Variants in RERE observed in about 807,000 individuals in gnomAD.
RERE encodes the protein arginine-glutamic acid dipeptide repeats protein.
Under a neutral mutation model 146.1 loss-of-function variants are expected in RERE, and 40 were observed. The ratio of observed to expected loss-of-function variants is 0.27; its 90% confidence interval spans 0.21 to 0.36. The LOEUF is 0.36. Ranked by LOEUF, RERE falls within the 10% of genes least tolerant of loss-of-function variation. The probability of loss-of-function intolerance (pLI) is 1.00; values close to 1 mark genes in which losing one functional copy is unlikely to be tolerated. For missense variants in RERE, 1,933 were observed against 2,138.7 expected (o/e 0.90, Z 1.90); for synonymous variants, 1,003 against 866.0 (o/e 1.16, Z -2.78).
intron 12 of RERE, among the ~76,000 whole-genome samples, chr1:8,403,825 C>CTTGTTTTTTTTT (rs1643350012): frequency 1.4e-5 from 1 of 70,854 alleles, no homozygotes; most frequent in Non-Finnish European, 2.5e-5. Flanking sequence ...AAAATCTTAG[C>CTTGTTTTTTTTT]TTTTTTTTTT....
chr1:8,596,088 G>A (rs1646552345), intron 4 of RERE, among the ~76,000 whole-genome samples: 1 of 152,238 alleles, frequency 6.6e-6, no homozygotes, highest in African/African-American at 2.4e-5. Flanking sequence ...CGGCTACACA[G>A]TCATGCTCAT....
intron 7 of RERE, 33 bp from the exon 8 acceptor site, chr1:8,508,708 C>T (rs1557665086): frequency 6.4e-7 from 1 of 1,559,562 alleles, no homozygotes; most frequent in South Asian, 1.2e-5. Context: ...TAAGTTAGCG[C>T]AATACAGTTT....
chr1:8,541,462 T>G, intron 6 of RERE, 144 bp from the exon 7 acceptor site: 1 of 573,214 alleles, frequency 1.7e-6, no homozygotes, highest in Non-Finnish European at 3.1e-6. Context: ...ATTTCACCTA[T>G]TCAGCTGTTT....
At chr1:8,541,409 T>TA in intron 6 of RERE, 91 bp from the exon 7 acceptor site, 1 of 710,298 alleles carries the variant, frequency 1.4e-6, no homozygotes, top group South Asian at 1.7e-5. Flanking sequence ...AGCACTGAAC[T>TA]AAGTCCATGT....
intron 1 of RERE, among the ~76,000 whole-genome samples, chr1:8,727,774 G>A (rs1422102855): frequency 6.6e-6 from 1 of 152,144 alleles, no homozygotes; most frequent in Non-Finnish European, 1.5e-5. Context: ...TTACAGGTGT[G>A]AGCCACTGAG....
intron 6 of RERE, among the ~76,000 whole-genome samples, chr1:8,545,982 CTTTTT>C (rs3050828): frequency 0.016 from 1,083 of 69,454 alleles, 21 homozygotes; most frequent in African/African-American, 0.062. Context: ...CATACCCAGT[CTTTTT>C]TTTTTTTTTT....
intron 6 of RERE, 21 bp from the exon 7 acceptor site, chr1:8,541,339 T>C (rs374466416): frequency 6.8e-7 from 1 of 1,469,760 alleles, no homozygotes; most frequent in Middle Eastern, 1.7e-4. Flanking sequence ...GAGAAAAAAA[T>C]AATTAGTAAT....
chr1:8,366,942 C>CAAAAAAAAAAAA (rs1557592178), intron 12 of RERE, among the ~76,000 whole-genome samples: 5 of 135,046 alleles, frequency 3.7e-5, no homozygotes, highest in African/African-American at 1.2e-4. Context: ...AAAAAAAAAA[C>CAAAAAAAAAAAA]CCAAAAAACA....
intron 1 of RERE, among the ~76,000 whole-genome samples, chr1:8,726,046 G>T (rs895956243): frequency 1.3e-5 from 2 of 150,058 alleles, no homozygotes; most frequent in African/African-American, 4.9e-5. Context: ...TAGCTATAAA[G>T]ATATATTCCT....
intron 12 of RERE, among the ~76,000 whole-genome samples, chr1:8,400,222 A>ATATATGTGTGTGTGTGTGTGTG (rs368219880): frequency 5.7e-5 from 8 of 140,156 alleles, no homozygotes; most frequent in South Asian, 2.4e-4. Flanking sequence ...CCTGTGTCAT[A>ATATATGTGTGTGTGTGTGTGTG]TGTGTGTGTG....
In RERE at chr1:8,360,288, C is replaced by A. The variant is rs758262757; in HGVS notation, c.3219G>T (p.Ala1073=). The change falls in exon 18 of 23, where the codon GCG becomes GCT. Residue 1073 remains alanine (A), a synonymous_variant. Transcript: ENST00000400908. The part of the protein sequence containing the change: ...GTSAQPPCSG[A]AASGGSIAGG... ...CCGCTATGCTGCCTCCTGAAGCCGC[C>A]GCACCAGAGCAGGGTGGCTGGGCCG... is the stretch of plus-strand genomic sequence containing the variant. The A allele has an allele frequency of 2.6e-6, 4 of 1,558,098 alleles. No homozygotes were observed. Among genetic ancestry groups the A allele is most frequent in the Middle Eastern group, 1.8e-4 (1 of 5,562 alleles).
At chr1:8,507,876 A>G (rs1264697619) in intron 8 of RERE, among the ~76,000 whole-genome samples, 1 of 150,058 alleles carries the variant, frequency 6.7e-6, no homozygotes, top group Non-Finnish European at 1.5e-5. Context: ...AGAAGCTGGG[A>G]TTATAGGCGC....
intron 1 of RERE, among the ~76,000 whole-genome samples, chr1:8,726,855 G>C (rs1455036850): frequency 6.6e-6 from 1 of 152,046 alleles, no homozygotes; most frequent in Non-Finnish European, 1.5e-5. Flanking sequence ...GCCTAGGCTG[G>C]AGTGCAGTGG....
intron 12 of RERE, among the ~76,000 whole-genome samples, chr1:8,376,173 T>G (rs779137216): frequency 6.6e-6 from 1 of 152,220 alleles, no homozygotes; most frequent in African/African-American, 2.4e-5. Context: ...TCTAGATTTT[T>G]TTAAGTGAGG....
chr1:8,639,264 C>A lies in RERE; in HGVS notation c.326-14884G>T, dbSNP rs372530848. On this transcript the variant is annotated intron_variant, in intron 2 of 22. Coordinates refer to ENST00000400908, the MANE Select transcript of RERE (RefSeq NM_001042681.2). Reference sequence around the variant, plus strand: ...CGTTCATGTATCAGATGCCACAGCACTTAGAATCCTGACAACTGGGAGATA... The same window carrying A: ...CGTTCATGTATCAGATGCCACAGCAATTAGAATCCTGACAACTGGGAGATA... Among the ~76,000 whole-genome samples the A allele has an allele frequency of 1.9e-4, 29 of 152,256 alleles. No homozygotes were observed. In the East Asian group the frequency reaches 5.4e-3, roughly 28 times the overall value.
chr1:8,664,067 C>A (rs903718278), intron 1 of RERE, among the ~76,000 whole-genome samples: 12 of 152,172 alleles, frequency 7.9e-5, no homozygotes, highest in Admixed American at 1.3e-4. Context: ...ATCACTTCCC[C>A]ACTAACTGCA....
intron 1 of RERE, among the ~76,000 whole-genome samples, chr1:8,809,931 A>C (rs1641771947): frequency 6.6e-6 from 1 of 152,224 alleles, no homozygotes; most frequent in Admixed American, 6.5e-5. Flanking sequence ...GTAGGAAATA[A>C]AAGTGGCCAA....
At chr1:8,678,034 C>T (rs758113907) in intron 1 of RERE, among the ~76,000 whole-genome samples, 4 of 152,176 alleles carry the variant, frequency 2.6e-5, no homozygotes, top group Non-Finnish European at 4.4e-5. Context: ...CTCCTCATAT[C>T]CCTCCAAAGG....
intron 12 of RERE, among the ~76,000 whole-genome samples, chr1:8,367,262 G>T (rs1641847081): frequency 6.6e-6 from 1 of 152,196 alleles, no homozygotes; most frequent in African/African-American, 2.4e-5. Context: ...CAGAGGAAAT[G>T]GCCTCAGAAC....
Sources: gnomAD v4.1 joint callset for allele counts (sites outside exome capture counted in the v4.1 genomes callset) on GRCh38, gnomAD v4.1.1 for gene constraint, MANE v1.5 for transcripts, NCBI Gene and HGNC (gene_info 2026-07-23, HGNC 2026-07-21) for gene names.